The following LMNTD1 variants were observed in gnomAD, a reference collection of about 807,000 sequenced individuals.
LMNTD1 encodes lamin tail domain-containing protein 1.
Under a neutral mutation model 50.9 loss-of-function variants are expected in LMNTD1, and 35 were observed. That is an observed-to-expected ratio of 0.69 (90% CI 0.53 to 0.91). The LOEUF (loss-of-function observed/expected upper bound fraction) is 0.91. Ranked by LOEUF, LMNTD1 falls within the 40% of genes least tolerant of loss-of-function variation. The pLI is 0.00. For synonymous variants in LMNTD1, 153 were observed against 161.9 expected, an observed-to-expected ratio of 0.94 and a Z score of 0.42; for missense variants, 470 against 475.5, an observed-to-expected ratio of 0.99 and a Z score of 0.11.
intron 6 of LMNTD1, among the ~76,000 whole-genome samples, chr12:25,522,329 C>T (rs139600332): frequency 9.1e-4 from 138 of 152,118 alleles, no homozygotes; most frequent in African/African-American, 3.3e-3. Flanking sequence ...CTTTCCTAGA[C>T]AAGGCAATAT....
At position 25,563,217 on chromosome 12, in the gene LMNTD1, C is replaced by T. The variant is rs527371078; in HGVS notation, c.59-16663G>A. On this transcript the variant is annotated intron_variant, in intron 1 of 7. Coordinates refer to the LMNTD1 transcript ENST00000445693. ...CTGCGTTCCTTTGGAGGAGAAGAGG[C>T]GCTCTGATTTTTAGAATTTTCAGCT... Among the ~76,000 whole-genome samples, 10 of 152,316 alleles carry T rather than the reference C, an allele frequency of 6.6e-5. No individual in the cohort carries two copies. The South Asian group carries it at 1.0e-3, about 16-fold the overall frequency.
At chr12:25,501,193 G>A (rs1301448108) in intron 9 of LMNTD1, among the ~76,000 whole-genome samples, 1 of 152,010 alleles carries the variant, frequency 6.6e-6, no homozygotes, top group African/African-American at 2.4e-5. Context: ...TTTCAACCAT[G>A]CTGACCAGGC....
intron 6 of LMNTD1, among the ~76,000 whole-genome samples, chr12:25,521,148 T>C (rs1052869411): frequency 6.8e-6 from 1 of 147,768 alleles, no homozygotes; most frequent in Non-Finnish European, 1.5e-5. Context: ...CTTTTTTTTT[T>C]CCCAGTCGGT....
chr12:25,496,875 C>G (rs1301923862), intron 9 of LMNTD1, among the ~76,000 whole-genome samples: 5 of 152,108 alleles, frequency 3.3e-5, no homozygotes, highest in Non-Finnish European at 7.4e-5. Context: ...TTCCATTCTC[C>G]CCTTTCCAGC....
rs1039799837 is a variant in LMNTD1 at position 25,612,329 on chromosome 12, C to T, written c.58+36165G>A. On this transcript the variant is annotated intron_variant, in intron 1 of 7. Coordinates refer to the LMNTD1 transcript ENST00000445693. The stretch of plus-strand genomic sequence containing the variant: ...ACACACACACACACACACACACACA[C>T]GCGCTCCCACTGTCAACAACACTGA... Among the ~76,000 whole-genome samples, 54 of 18,754 alleles carry T rather than the reference C, an allele frequency of 2.9e-3. 1 individual carries two copies. Among genetic ancestry groups the T allele is most frequent in the Admixed American group, 7.0e-3 (9 of 1,278 alleles). 12.3% of individuals were successfully genotyped at this position (18,754 alleles called of 152,430 possible).
intron 3 of LMNTD1, among the ~76,000 whole-genome samples, chr12:25,548,023 G>A (rs1383564030): frequency 6.6e-6 from 1 of 151,770 alleles, no homozygotes; most frequent in Non-Finnish European, 1.5e-5. Flanking sequence ...CATATGCCAT[G>A]ATGATATAAT....
At chr12:25,493,575 T>C (rs3851602) in intron 9 of LMNTD1, among the ~76,000 whole-genome samples, 29,207 of 152,228 alleles carry the variant, frequency 0.19, 3,656 homozygotes, top group Non-Finnish European at 0.3. Flanking sequence ...ACATCAGGAT[T>C]CAATGGGTCC....
At chr12:25,626,988 T>C (rs969956) in intron 1 of LMNTD1, among the ~76,000 whole-genome samples, 97,006 of 152,080 alleles carry the variant, frequency 0.64, 31,216 homozygotes, top group Non-Finnish European at 0.68. Context: ...AGTAAATCAG[T>C]AAGTCAGACA....
intron 8 of LMNTD1, among the ~76,000 whole-genome samples, chr12:25,508,943 A>C (rs1002702557): frequency 1.6e-4 from 25 of 152,136 alleles, no homozygotes; most frequent in African/African-American, 5.3e-4. Flanking sequence ...AAATGCTTTT[A>C]TTATTGAGGT....
At chr12:25,498,139 G>C (rs1438540810) in intron 9 of LMNTD1, among the ~76,000 whole-genome samples, 1 of 152,032 alleles carries the variant, frequency 6.6e-6, no homozygotes, top group East Asian at 1.9e-4. Flanking sequence ...CTACAAATAG[G>C]GTCAACATTA....
At chr12:25,635,838 C>G (rs900585556) in intron 1 of LMNTD1, among the ~76,000 whole-genome samples, 4 of 149,192 alleles carry the variant, frequency 2.7e-5, no homozygotes, top group Admixed American at 2.0e-4. Context: ...CACATACTTA[C>G]AGGCAACTGA....
chr12:25,564,656 T>TATCCTTGAGAATGATCC (rs2136320979), intron 1 of LMNTD1, among the ~76,000 whole-genome samples: 1 of 152,344 alleles, frequency 6.6e-6, no homozygotes, highest in African/African-American at 2.4e-5. Flanking sequence ...ACATATGATC[T>TATCCTTGAGAATGATCC]ATCCTTGAGA....
upstream of LMNTD1, among the ~76,000 whole-genome samples, chr12:25,557,971 T>A (rs1360721409): frequency 5.3e-5 from 8 of 152,232 alleles, no homozygotes; most frequent in African/African-American, 1.9e-4. Flanking sequence ...GCAAACAGGA[T>A]AAAGGCAGTC....
intron 6 of LMNTD1, among the ~76,000 whole-genome samples, chr12:25,524,897 C>T (rs1941597043): frequency 6.6e-6 from 1 of 152,124 alleles, no homozygotes; most frequent in Non-Finnish European, 1.5e-5. Context: ...GTGCTCTCCT[C>T]ATCTAACAAC....
chr12:25,499,389 A>G (rs1939252588), intron 9 of LMNTD1, among the ~76,000 whole-genome samples: 1 of 152,180 alleles, frequency 6.6e-6, no homozygotes, highest in Non-Finnish European at 1.5e-5. Flanking sequence ...ACTTTTGCCA[A>G]GGTGAAAGGA....
chr12:25,525,293 A>C (rs867079609), intron 6 of LMNTD1, among the ~76,000 whole-genome samples: 8 of 152,296 alleles, frequency 5.3e-5, no homozygotes, highest in Middle Eastern at 3.4e-3. Flanking sequence ...TAATGCCCTT[A>C]ATTTTATAAG....
intron 1 of LMNTD1, among the ~76,000 whole-genome samples, chr12:25,558,416 A>C (rs934196741): frequency 1.1e-4 from 16 of 152,116 alleles, no homozygotes; most frequent in Non-Finnish European, 2.4e-4. Context: ...ACAGCTATAA[A>C]ATTCCCTCTT....
intron 1 of LMNTD1, among the ~76,000 whole-genome samples, chr12:25,583,864 A>G (rs1202447303): frequency 6.6e-6 from 1 of 152,192 alleles, no homozygotes; most frequent in Non-Finnish European, 1.5e-5. Context: ...GAAAATCACA[A>G]GCCAGGGAAC....
intron 4 of LMNTD1, among the ~76,000 whole-genome samples, chr12:25,545,769 C>T (rs1943391824): frequency 6.6e-6 from 1 of 151,530 alleles, no homozygotes; most frequent in Non-Finnish European, 1.5e-5. Flanking sequence ...AGAAAATTTC[C>T]TTCATATCTG....
Sources: allele counts gnomAD v4.1 joint callset (sites outside exome capture counted in the v4.1 genomes callset), GRCh38; gene constraint gnomAD v4.1.1; transcripts MANE v1.5; gene names NCBI Gene and HGNC (gene_info 2026-07-23, HGNC 2026-07-21).